The following CSPG4 variants were observed in gnomAD, a reference collection of about 807,000 sequenced individuals.
The protein encoded by CSPG4 is chondroitin sulfate proteoglycan 4, also known as chondroitin sulfate proteoglycan 4 (melanoma-associated).
In CSPG4, 74 loss-of-function variants were observed where a neutral mutation model predicts 139.3. That is an observed-to-expected ratio of 0.53 (90% confidence interval 0.44 to 0.64). The LOEUF (loss-of-function observed/expected upper bound fraction) is 0.64, where lower values mean the gene tolerates loss of function less well. Ranked by LOEUF, CSPG4 falls within the 30% of genes least tolerant of loss-of-function variation. CSPG4 has a pLI of 0.00. For missense variants in CSPG4, 2,565 were observed against 3,148.3 expected (o/e 0.81, Z 4.43); for synonymous variants, 1,234 against 1,394.2 (o/e 0.89, Z 2.56).
In CSPG4 at chr15:75,690,810, G is replaced by T; in HGVS notation, c.255C>A (p.Val85=). The T allele has an allele frequency of 1.9e-6, 3 of 1,602,302 alleles. No homozygotes were observed. Among genetic ancestry groups the T allele is most frequent in the Non-Finnish European group, 1.7e-6 (2 of 1,172,622 alleles). The stretch of plus-strand genomic sequence containing the variant: ...GCTCCTCCTGGCCCAGAACAAGTCT[G>T]ACCTGAAGAGAGATGGGGAGTGGGA... ...LLQLYSGRLQ[V]RLVLGQEELR... Residue 85 remains valine (V), a splice_region_variant and synonymous_variant, in exon 3 of 10, where the codon GTC becomes GTA. Transcript: ENST00000308508.
chr15:75,682,951 C>T lies in CSPG4; in HGVS notation c.4540G>A (p.Glu1514Lys), dbSNP rs765988638. 8.1e-6 allele frequency: 13 copies of T among 1,611,486 alleles called. No homozygotes were observed. The highest frequency in any genetic ancestry group is 2.7e-5 in the African/African-American group (2 of 74,974). The change falls in exon 6 of 10, where the codon GAG becomes AAG. Residue 1514 changes from glutamate (E) to lysine (K), a missense_variant. By Grantham distance (56) the Glu-to-Lys change is moderately conservative (BLOSUM62 1). Around this residue, in one of 5 missense-constraint regions of CSPG4, gnomAD observed 2,316 missense variants for 2,818.2 expected, o/e 0.82. Coordinates refer to ENST00000308508, the MANE Select transcript of CSPG4 (RefSeq NM_001897.5). ...ACTACCCGCCCGTTGCTGGGCTGCT[C>T]GATGGTGTAGACCAGATCCTCAGAC... is the stretch of plus-strand genomic sequence containing the variant. Reference protein sequence around the residue: ...SGSEDLVYTIEQPSNGRVVLR... With the variant: ...SGSEDLVYTIKQPSNGRVVLR...
rs201568610 is a variant in CSPG4, at chr15:75,688,427, G to A, written c.2638C>T (p.Pro880Ser). 356 of 1,613,322 alleles carry A rather than the reference G, an allele frequency of 2.2e-4. 1 individual carries two copies. The highest frequency in any genetic ancestry group is 1.5e-3 in the Middle Eastern group (9 of 6,062). ...EDTFRFRVTA[P>S]PYFSPLYTFP... is the part of the protein sequence containing the mutation. ...GTATAGAGTGGGGAGAAATATGGTG[G>A]AGCTGTGACACGGAAACGGAAGGTG... is the stretch of plus-strand genomic sequence containing the variant. Residue 880 changes from proline to serine, a missense_variant, in exon 3 of 10, where the codon CCA becomes TCA. Physicochemically the swap from Pro to Ser is moderately conservative, Grantham distance 74. This residue lies in a region of CSPG4 where 2,316 missense variants were observed against 2,818.2 expected (regional missense o/e 0.82). Coordinates refer to ENST00000308508, the MANE Select transcript of CSPG4 (RefSeq NM_001897.5).
At chr15:75,682,815 A>G (rs1185571750) in intron 6 of CSPG4, 28 bp downstream of exon 6, 2 of 1,605,870 alleles carry the variant, frequency 1.2e-6, no homozygotes, top group Non-Finnish European at 1.7e-6. Context: ...GGGCAGCAGG[A>G]ACCCGAGGCC....
At chr15:75,700,162 CA>C (rs1291107785) in intron 1 of CSPG4, among the ~76,000 whole-genome samples, 1 of 152,158 alleles carries the variant, frequency 6.6e-6, no homozygotes, top group Non-Finnish European at 1.5e-5. Flanking sequence ...GGTGTGGCTC[CA>C]GAGCTAGGGG....
intron 3 of CSPG4, among the ~76,000 whole-genome samples, chr15:75,686,763 C>T (rs937702585): frequency 2.0e-5 from 3 of 152,126 alleles, no homozygotes; most frequent in Non-Finnish European, 2.9e-5. Context: ...GGCCTGAGGT[C>T]ACAGGGCAAG....
rs777676985 is a variant in CSPG4 at position 75,676,906 on chromosome 15, C to G, written c.5613G>C (p.Glu1871Asp). Reference protein sequence around the residue: ...PDSAPGEIEYEVQRAPHNGFL... With the variant: ...PDSAPGEIEYDVQRAPHNGFL... ...AGCCGTTGTGGGGTGCCCGCTGGAC[C>G]TCGTACTCAATCTCCCCAGGAGCTG... Residue 1871 changes from glutamate to aspartate, a missense_variant, in exon 10 of 10, where the codon GAG (glutamate) becomes GAC (aspartate). By Grantham distance (45) the Glu-to-Asp change is conservative (BLOSUM62 2). Coordinates refer to ENST00000308508, the MANE Select transcript of CSPG4 (RefSeq NM_001897.5). 1 of 1,577,296 alleles carries G rather than the reference C, an allele frequency of 6.3e-7. No homozygotes were observed. The highest frequency in any genetic ancestry group is 1.1e-5 in the South Asian group (1 of 87,350).
At chr15:75,705,859 G>GT (rs1894362972) in intron 1 of CSPG4, among the ~76,000 whole-genome samples, 1 of 152,114 alleles carries the variant, frequency 6.6e-6, no homozygotes, top group South Asian at 2.1e-4. Flanking sequence ...GTCTGTATGT[G>GT]TCTGTGTGCA....
intron 1 of CSPG4, among the ~76,000 whole-genome samples, chr15:75,701,406 C>T (rs1028690475): frequency 2.0e-5 from 3 of 152,160 alleles, no homozygotes; most frequent in South Asian, 2.1e-4. Context: ...AGTGGGAGGG[C>T]GTTGCCGGGG....
chr15:75,699,421 C>A (rs1566977145), intron 1 of CSPG4, among the ~76,000 whole-genome samples: 4 of 152,246 alleles, frequency 2.6e-5, no homozygotes, highest in Non-Finnish European at 4.4e-5. Flanking sequence ...TGACCCTGGT[C>A]ACTGGCCTCA....
intron 8 of CSPG4, chr15:75,679,041 C>G (rs1378700015): frequency 3.0e-6 from 1 of 330,788 alleles, no homozygotes; most frequent in African/African-American, 2.2e-5. Context: ...TTTCTGTCTA[C>G]AGGCACTCTC....
chr15:75,691,258 C>A (rs1258577239), intron 2 of CSPG4, among the ~76,000 whole-genome samples: 2 of 152,196 alleles, frequency 1.3e-5, no homozygotes, highest in Non-Finnish European at 2.9e-5. Flanking sequence ...GCCTCTGGTG[C>A]CACTCCTCTT....
At chr15:75,683,845 T>C (rs1381131421) in intron 5 of CSPG4, among the ~76,000 whole-genome samples, 4 of 152,150 alleles carry the variant, frequency 2.6e-5, no homozygotes, top group African/African-American at 9.7e-5. Flanking sequence ...GGGGCCATAA[T>C]GTTGCGGGGC....
In CSPG4 at chr15:75,676,749, C is replaced by G; in HGVS notation, c.5770G>C (p.Gly1924Arg). 1 of 1,564,830 alleles carries G rather than the reference C, an allele frequency of 6.4e-7. No individual in the cohort carries two copies. Among genetic ancestry groups the G allele is most frequent in the Non-Finnish European group, 8.7e-7 (1 of 1,153,734 alleles). The part of the protein sequence containing the change: ...AGIFQLSMSD[G>R]ASPPLPMSLA... ...GACATGGGCAGGGGTGGGCTGGCCCCATCAGACATGCTCAGCTGGAAGATG... is the reference window on the plus strand; with the variant it reads ...GACATGGGCAGGGGTGGGCTGGCCCGATCAGACATGCTCAGCTGGAAGATG... Residue 1924 changes from glycine (G) to arginine (R), a missense_variant, in exon 10 of 10, where the codon GGG becomes CGG. This residue lies in a region of CSPG4 where 2,316 missense variants were observed against 2,818.2 expected (regional missense o/e 0.82). Coordinates refer to ENST00000308508, the MANE Select transcript of CSPG4 (RefSeq NM_001897.5).
Position 75,712,822 on chromosome 15 carries a change from A to C in CSPG4, c.-67T>G, listed in dbSNP as rs1391639347. The C allele has an allele frequency of 2.9e-6, 4 of 1,378,378 alleles. No homozygotes were observed. In the African/African-American group the frequency reaches 4.5e-5, roughly 16 times the overall value. The allele number at this position is 1,378,378 out of a possible 1,614,324, so 85.4% of individuals were successfully genotyped here. On this transcript the variant is annotated 5_prime_UTR_variant, in exon 1 of 10. Transcript: ENST00000308508. ...GTCCTGGGAGCTGGGAGCTGAGTGG[A>C]GCGAGCGCGGCTCTGCTCCTGGGCG... is the stretch of plus-strand genomic sequence containing the variant.
At position 75,690,672 on chromosome 15, in the gene CSPG4, G is replaced by T; in HGVS notation, c.393C>A (p.Ala131=). 6.2e-7 allele frequency: 1 copy of T among 1,612,692 alleles called. No homozygotes were observed. Among genetic ancestry groups the T allele is most frequent in the Middle Eastern group, 1.7e-4 (1 of 5,782 alleles). ...ATLSVDGFLN[A]SSAVPGAPLE... ...GGGGGGCTCCTGGGACTGCTGAGGA[G>T]GCGTTCAGAAACCCATCGACTGACA... The change falls in exon 3 of 10, where the codon GCC becomes GCA. Residue 131 remains alanine (A), a synonymous_variant. Coordinates refer to ENST00000308508, the MANE Select transcript of CSPG4 (RefSeq NM_001897.5).
rs1894130592 is a variant in CSPG4, at chr15:75,689,679, C to T, written c.1386G>A (p.Glu462=). ...VQPTLDLMEA[E]LRKSQVLFSV... is the part of the protein sequence containing the mutation. ...TGAACAGCACCTGGGATTTGCGCAG[C>T]TCAGCCTCCATCAGGTCCAGCGTGG... Residue 462 remains glutamate, a synonymous_variant, in exon 3 of 10, where the codon GAG becomes GAA. Coordinates refer to ENST00000308508, the MANE Select transcript of CSPG4 (RefSeq NM_001897.5). The T allele has an allele frequency of 1.9e-6, 3 of 1,612,792 alleles. No individual in the cohort carries two copies. Among genetic ancestry groups the T allele is most frequent in the Non-Finnish European group, 2.5e-6 (3 of 1,179,868 alleles).
rs779800508 is a variant in CSPG4 at position 75,689,741 on chromosome 15, C to G, written c.1324G>C (p.Gly442Arg). The change falls in exon 3 of 10, where the codon GGG becomes CGG. Residue 442 changes from glycine to arginine, a missense_variant. Around this residue, in one of 5 missense-constraint regions of CSPG4, gnomAD observed 2,316 missense variants for 2,818.2 expected, o/e 0.82. Transcript: ENST00000308508. ...CTCCACTCAAGCCAGGCTGTGCCCC[C>G]CTCGGCCACCACCAGTGGGCTGATA... ...LTISPLVVAEGGTAWLEWRHV... is the reference protein window; with the variant it reads ...LTISPLVVAERGTAWLEWRHV... 2.3e-5 allele frequency: 37 copies of G among 1,612,670 alleles called. No homozygotes were observed. The highest frequency in any genetic ancestry group is 3.0e-5 in the Non-Finnish European group (35 of 1,179,792).
At position 75,675,726 on chromosome 15, in the gene CSPG4, G is replaced by C; in HGVS notation, c.6793C>G (p.Arg2265Gly). The change falls in exon 10 of 10, where the codon CGC (arginine) becomes GGC (glycine). Residue 2265 changes from arginine to glycine, a missense_variant. Physicochemically the swap from Arg to Gly is moderately radical, Grantham distance 125 (BLOSUM62 -2). Around this residue, in one of 5 missense-constraint regions of CSPG4, gnomAD observed 2,316 missense variants for 2,818.2 expected, o/e 0.82. Coordinates refer to ENST00000308508, the MANE Select transcript of CSPG4 (RefSeq NM_001897.5). ...HDVQVLTAKP[R>G]NGLAGDTETF... ...TCGGTGTCACCAGCCAGGCCGTTGC[G>C]GGGCTTGGCAGTCAGGACCTGGACG... 6.3e-7 allele frequency: 1 copy of C among 1,594,892 alleles called. No individual in the cohort carries two copies. The highest frequency in any genetic ancestry group is 8.6e-7 in the Non-Finnish European group (1 of 1,167,550).
chr15:75,695,169 G>A (rs756221669), intron 1 of CSPG4, among the ~76,000 whole-genome samples: 1 of 152,302 alleles, frequency 6.6e-6, no homozygotes. Flanking sequence ...CACCCACAGA[G>A]AAGGGGGCAC....
Sources: allele counts gnomAD v4.1 joint callset (sites outside exome capture counted in the v4.1 genomes callset), GRCh38; gene constraint gnomAD v4.1.1; regional missense constraint gnomAD v4.1.1; transcripts MANE v1.5; gene names NCBI Gene and HGNC (gene_info 2026-07-23, HGNC 2026-07-21).